Variants in MYBPC1 observed in about 807,000 individuals in gnomAD.
MYBPC1 encodes myosin binding protein C1.
In MYBPC1, 52 loss-of-function variants were observed where a neutral mutation model predicts 147.1. The observed-to-expected ratio is 0.35, with a 90% CI of 0.28 to 0.45. The LOEUF is 0.45. Among genes scored for constraint, MYBPC1 ranks in the 20% least tolerant of loss-of-function variants. The pLI, the probability that MYBPC1 is intolerant of heterozygous loss-of-function variation, is 1.00. For synonymous variants in MYBPC1, 477 were observed against 475.9 expected, an observed-to-expected ratio of 1.00 and a Z score of -0.03; for missense variants, 1,228 against 1,440.3, an observed-to-expected ratio of 0.85 and a Z score of 2.39.
intron 25 of MYBPC1, 133 bp from the exon 26 acceptor site, chr12:101,675,159 C>G (rs1000222680): frequency 2.1e-4 from 252 of 1,225,422 alleles, no homozygotes; most frequent in Non-Finnish European, 2.7e-4. Flanking sequence ...GTCTCAGAAG[C>G]CCCCATGGTA....
downstream of MYBPC1, among the ~76,000 whole-genome samples, chr12:101,688,255 C>T (rs1047453823): frequency 1.9e-4 from 29 of 152,086 alleles, no homozygotes; most frequent in African/African-American, 5.3e-4. Context: ...CTTGTCTCTA[C>T]TAAAAATATA....
chr12:101,653,229 T>C lies in MYBPC1; in HGVS notation c.1748T>C (p.Met583Thr), dbSNP rs767284171. ...PISGEPPPKAMWSRGDKAIME... is the reference protein window; with the variant it reads ...PISGEPPPKATWSRGDKAIME... The stretch of plus-strand genomic sequence containing the variant: ...AGCGGAGAACCACCTCCTAAAGCCA[T>C]GTGGAGCCGGGGAGATAAGGTTTGT... Residue 583 changes from methionine to threonine, a missense_variant, in exon 18 of 32, where the codon ATG becomes ACG. By Grantham distance (81) the Met-to-Thr change is moderately conservative. Around this residue, in one of 2 missense-constraint regions of MYBPC1, gnomAD observed 1,077 missense variants for 1,314.2 expected, o/e 0.82. Transcript: ENST00000361466. 4 of 1,613,952 alleles carry C rather than the reference T, an allele frequency of 2.5e-6. No individual in the cohort carries two copies. The East Asian group carries it at 6.7e-5, about 27-fold the overall frequency.
chr12:101,604,301 A>AG (rs1881295138), intron 1 of MYBPC1, among the ~76,000 whole-genome samples: 1 of 152,216 alleles, frequency 6.6e-6, no homozygotes, highest in Non-Finnish European at 1.5e-5. Context: ...TGACTAGGGG[A>AG]GGAAAAAAAA....
At chr12:101,599,722 C>T (rs1280597297) in intron 1 of MYBPC1, among the ~76,000 whole-genome samples, 1 of 152,110 alleles carries the variant, frequency 6.6e-6, no homozygotes, top group Admixed American at 6.5e-5. Context: ...TTATCAAGGG[C>T]AATTGTTTCC....
chr12:101,670,123 C>CCACACACACACACACA (rs58177042), intron 23 of MYBPC1, among the ~76,000 whole-genome samples, 198 bp from the exon 24 acceptor site: 32 of 146,310 alleles, frequency 2.2e-4, no homozygotes, highest in Admixed American at 6.1e-4. Flanking sequence ...TGTGTGGAAA[C>CCACACACACACACACA]CACACACACA....
At chr12:101,649,095 T>A (rs539414384) in intron 14 of MYBPC1, among the ~76,000 whole-genome samples, 165 bp from the exon 15 acceptor site, 1 of 152,380 alleles carries the variant, frequency 6.6e-6, no homozygotes, top group East Asian at 1.9e-4. Flanking sequence ...ATGAATCTAC[T>A]GATGGATACA....
Position 101,659,675 on chromosome 12 carries a change from A to G in MYBPC1, c.1771A>G (p.Ile591Val). Residue 591 changes from isoleucine (I) to valine (V), a missense_variant, in exon 19 of 32, where the codon ATT (isoleucine) becomes GTT (valine). Physicochemically the swap from Ile to Val is conservative, Grantham distance 29. Coordinates refer to ENST00000361466, the MANE Select transcript of MYBPC1 (RefSeq NM_002465.4). ...ATTTTGTTTCTCCACTTCTTAGGCT[A>G]TTATGGAAGGCAGTGGCCGGATAAG... ...KAMWSRGDKAIMEGSGRIRTE... is the reference protein window; with the variant it reads ...KAMWSRGDKAVMEGSGRIRTE... The G allele has an allele frequency of 1.2e-6, 2 of 1,614,048 alleles. No homozygotes were observed. The highest frequency in any genetic ancestry group is 1.7e-6 in the Non-Finnish European group (2 of 1,179,944).
downstream of MYBPC1, among the ~76,000 whole-genome samples, chr12:101,690,553 T>C (rs551643885): frequency 4.6e-5 from 7 of 152,254 alleles, no homozygotes; most frequent in South Asian, 4.1e-4. Flanking sequence ...AACAATACCA[T>C]AGAAAGCATT....
chr12:101,606,640 A>G (rs1409176688), intron 1 of MYBPC1, among the ~76,000 whole-genome samples: 5 of 152,032 alleles, frequency 3.3e-5, no homozygotes, highest in Non-Finnish European at 5.9e-5. Context: ...GTTAAATCCC[A>G]AAGTATAAAA....
At position 101,685,721 on chromosome 12, in the gene MYBPC1, T is replaced by C; in HGVS notation, c.*159T>C. On this transcript the variant is annotated 3_prime_UTR_variant, in exon 32 of 32. Transcript: ENST00000361466. Reference sequence around the variant, plus strand: ...TACTGTCTCTCTGCACTCTGCTGCTTTGAAATCTGGTTGAAATGAGAAAAA... The same window carrying C: ...TACTGTCTCTCTGCACTCTGCTGCTCTGAAATCTGGTTGAAATGAGAAAAA... 4.3e-6 allele frequency: 6 copies of C among 1,390,132 alleles called. No individual in the cohort carries two copies. Among genetic ancestry groups the C allele is most frequent in the Non-Finnish European group, 5.8e-6 (6 of 1,026,876 alleles). 86.1% of individuals were successfully genotyped at this position (1,390,132 alleles called of 1,614,324 possible).
At chr12:101,690,859 T>C (rs554590688), downstream of MYBPC1, among the ~76,000 whole-genome samples, 6 of 152,334 alleles carry the variant, frequency 3.9e-5, no homozygotes, top group South Asian at 8.3e-4. Flanking sequence ...TAAAGTACCA[T>C]AGTTCCATAA....
chr12:101,602,364 G>A (rs890334746), intron 1 of MYBPC1, among the ~76,000 whole-genome samples: 8 of 152,050 alleles, frequency 5.3e-5, no homozygotes, highest in Admixed American at 6.6e-5. Context: ...ACAGGCATGC[G>A]CCACCACGCC....
intron 1 of MYBPC1, among the ~76,000 whole-genome samples, chr12:101,609,633 G>A (rs992307699): frequency 2.6e-5 from 4 of 152,142 alleles, no homozygotes; most frequent in African/African-American, 9.7e-5. Context: ...AGATCCCTAA[G>A]TGATTAATAC....
chr12:101,628,395 T>C (rs1889114442), intron 5 of MYBPC1, among the ~76,000 whole-genome samples: 1 of 152,216 alleles, frequency 6.6e-6, no homozygotes, highest in Non-Finnish European at 1.5e-5. Context: ...AGCTTGGGTG[T>C]TTAAAAATAT....
At chr12:101,602,613 T>A (rs1380064714) in intron 1 of MYBPC1, among the ~76,000 whole-genome samples, 1 of 152,220 alleles carries the variant, frequency 6.6e-6, no homozygotes, top group Non-Finnish European at 1.5e-5. Flanking sequence ...GCACAAGGTA[T>A]TAAATGCCTC....
intron 16 of MYBPC1, 132 bp from the exon 17 acceptor site, chr12:101,652,546 T>G: frequency 1.0e-5 from 6 of 573,284 alleles, no homozygotes; most frequent in East Asian, 3.1e-5. Context: ...CTCTCTCTCT[T>G]TCTCTCTCTC....
At chr12:101,648,178 T>C (rs368734556) in intron 14 of MYBPC1, 28 bp downstream of exon 14, 8 of 1,517,418 alleles carry the variant, frequency 5.3e-6, no homozygotes, top group African/African-American at 1.9e-5. Context: ...AGTCTGTCCA[T>C]GTTTAATAGA....
At chr12:101,670,805 A>G (rs1241209253) in intron 24 of MYBPC1, among the ~76,000 whole-genome samples, 1 of 152,194 alleles carries the variant, frequency 6.6e-6, no homozygotes, top group Non-Finnish European at 1.5e-5. Flanking sequence ...GTGTGTGCTT[A>G]GTTCCCACAA....
chr12:101,643,731 CA>C (rs1892536399), intron 11 of MYBPC1, among the ~76,000 whole-genome samples: 1 of 152,038 alleles, frequency 6.6e-6, no homozygotes, highest in Admixed American at 6.5e-5. Flanking sequence ...TAGGACCCTT[CA>C]AAGACAACTT....
Sources: allele counts gnomAD v4.1 joint callset (sites outside exome capture counted in the v4.1 genomes callset), GRCh38; gene constraint gnomAD v4.1.1; regional missense constraint gnomAD v4.1.1; transcripts MANE v1.5; gene names NCBI Gene and HGNC (gene_info 2026-07-23, HGNC 2026-07-21).